Variants in ABLIM2 observed in about 807,000 individuals in gnomAD.
ABLIM2 encodes actin binding LIM protein family member 2.
ABLIM2 carries 53 observed loss-of-function variants against 97.7 expected under a neutral mutation model. The observed-to-expected ratio is 0.54, with a 90% confidence interval of 0.44 to 0.68. The LOEUF (loss-of-function observed/expected upper bound fraction) is 0.68. Ranked by LOEUF, ABLIM2 falls within the 30% of genes least tolerant of loss-of-function variation. The probability of loss-of-function intolerance (pLI) is 0.00; values close to 1 mark genes in which losing one functional copy is unlikely to be tolerated. For synonymous variants in ABLIM2, 361 were observed against 345.8 expected (o/e 1.04, Z -0.49); for missense variants, 835 against 867.2 (o/e 0.96, Z 0.47).
intron 8 of ABLIM2, among the ~76,000 whole-genome samples, chr4:8,047,556 G>A (rs1413235587): frequency 2.0e-5 from 3 of 152,202 alleles, no homozygotes; most frequent in Admixed American, 6.5e-5. Context: ...TCATGCCCAC[G>A]ATGGCCCAAT....
intron 5 of ABLIM2, among the ~76,000 whole-genome samples, chr4:8,078,990 G>A (rs1434685863): frequency 6.6e-6 from 1 of 152,236 alleles, no homozygotes; most frequent in Non-Finnish European, 1.5e-5. Context: ...GATTTCTCAG[G>A]CTGTCATGGA....
intron 3 of ABLIM2, 26 bp downstream of exon 3, chr4:8,097,073 C>G (rs1439953115): frequency 6.3e-7 from 1 of 1,582,974 alleles, no homozygotes; most frequent in Non-Finnish European, 8.6e-7. Flanking sequence ...GCAGGGGAAG[C>G]AGAGGCCAGG....
At chr4:8,036,824 A>C (rs931404489) in intron 9 of ABLIM2, among the ~76,000 whole-genome samples, 21 of 152,158 alleles carry the variant, frequency 1.4e-4, no homozygotes, top group African/African-American at 4.6e-4. Context: ...CACACGTACA[A>C]ACACAGACAC....
chr4:8,070,139 C>G (rs1810930178), intron 6 of ABLIM2, among the ~76,000 whole-genome samples: 1 of 151,186 alleles, frequency 6.6e-6, no homozygotes, highest in Non-Finnish European at 1.5e-5. Flanking sequence ...CAATCTGTGT[C>G]TGTGTGTGTA....
intron 1 of ABLIM2, 35 bp downstream of exon 1, chr4:8,158,645 G>T (rs1032448219): frequency 6.0e-6 from 9 of 1,504,226 alleles, no homozygotes; most frequent in Non-Finnish European, 8.0e-6. Context: ...GAGCCAGCGC[G>T]GGGACCCGTT....
chr4:8,007,648 A>T, intron 16 of ABLIM2: 1 of 1,000,328 alleles, frequency 1.0e-6, no homozygotes, highest in Non-Finnish European at 1.2e-6. Context: ...CACAGGGGAC[A>T]GGGATGGTGC....
At chr4:7,995,234 G>A (rs1024658175) in intron 16 of ABLIM2, among the ~76,000 whole-genome samples, 1 of 152,204 alleles carries the variant, frequency 6.6e-6, no homozygotes, top group Non-Finnish European at 1.5e-5. Context: ...AGCCTATGGG[G>A]CCTTAAAGAG....
At chr4:8,017,679 T>A (rs1485677662) in intron 14 of ABLIM2, among the ~76,000 whole-genome samples, 1 of 152,152 alleles carries the variant, frequency 6.6e-6, no homozygotes, top group Non-Finnish European at 1.5e-5. Flanking sequence ...AGGAGAATCA[T>A]ATATAGCCAG....
At chr4:8,139,210 C>CG (rs1483944940) in intron 1 of ABLIM2, among the ~76,000 whole-genome samples, 1 of 121,452 alleles carries the variant, frequency 8.2e-6, no homozygotes, top group Middle Eastern at 4.0e-3. Context: ...AAAGAGAAAA[C>CG]GGAAAAGGGA....
At chr4:8,050,749 T>C (rs1406404841) in intron 8 of ABLIM2, among the ~76,000 whole-genome samples, 1 of 152,106 alleles carries the variant, frequency 6.6e-6, no homozygotes, top group East Asian at 1.9e-4. Flanking sequence ...TCCGGACAGT[T>C]AGCTCCAAGG....
intron 14 of ABLIM2, among the ~76,000 whole-genome samples, chr4:8,009,983 G>A (rs1459015454): frequency 6.6e-6 from 1 of 152,204 alleles, no homozygotes; most frequent in East Asian, 1.9e-4. Context: ...CTGGCTAACT[G>A]CTGCTGGCAA....
chr4:8,156,025 T>C (rs1561653029), intron 1 of ABLIM2, among the ~76,000 whole-genome samples: 1 of 152,156 alleles, frequency 6.6e-6, no homozygotes, highest in Non-Finnish European at 1.5e-5. Flanking sequence ...TAGTACTTTG[T>C]TATGGAGCAA....
Position 8,071,666 on chromosome 4 carries a change from T to A in ABLIM2, c.675+5962A>T. 1 of 976,432 alleles carries A rather than the reference T, an allele frequency of 1.0e-6. No individual in the cohort carries two copies. Among genetic ancestry groups the A allele is most frequent in the Non-Finnish European group, 1.2e-6 (1 of 821,766 alleles). The allele number at this position is 976,432 out of a possible 1,614,324, so 60.5% of individuals were successfully genotyped here. A position where few individuals can be genotyped will look rare whatever the true frequency, so the allele number is the denominator to read the frequency against. On this transcript the variant is annotated intron_variant, in intron 6 of 20. Transcript: ENST00000447017. The surrounding 1 kb of genome is among the most constrained non-coding windows in gnomAD (Gnocchi z 6.2). ...TGGGGGAACAGGTGGCTCCGAGGTCTCACACCTGACTGCTCTGTCCCCAAA... is the reference window on the plus strand; with the variant it reads ...TGGGGGAACAGGTGGCTCCGAGGTCACACACCTGACTGCTCTGTCCCCAAA...
rs1820656236 is a variant in ABLIM2 at position 8,082,610 on chromosome 4, CTG to C, written c.455-1810_455-1809del. Among the ~76,000 whole-genome samples the C allele has an allele frequency of 6.6e-6, 1 of 152,250 alleles. No individual in the cohort carries two copies. The highest frequency in any genetic ancestry group is 2.4e-5 in the African/African-American group (1 of 41,474). On this transcript the variant is annotated intron_variant, in intron 4 of 20. Transcript: ENST00000447017. This position sits in a 1 kb window ranked among gnomAD's most constrained non-coding sequence, Gnocchi z 5.6. ...GCTCAGGATTTCCTAAGTGACCACA[CTG>C]TGCACATTCACATGCTACTTTGGAA... is the stretch of plus-strand genomic sequence containing the variant.
intron 14 of ABLIM2, chr4:8,010,453 C>A: frequency 1.0e-6 from 1 of 985,882 alleles, no homozygotes; most frequent in Non-Finnish European, 1.2e-6. Flanking sequence ...CGGGCTCGGG[C>A]CCGTCTGTCT....
intron 8 of ABLIM2, among the ~76,000 whole-genome samples, chr4:8,047,805 G>A (rs963541944): frequency 5.3e-5 from 8 of 152,270 alleles, no homozygotes; most frequent in African/African-American, 1.7e-4. Flanking sequence ...GGCACGTGAG[G>A]TGCTTAGCAC....
chr4:8,123,809 C>T lies in ABLIM2; in HGVS notation c.11-17172G>A, dbSNP rs1395978527. 6.6e-6 allele frequency among the ~76,000 whole-genome samples: 1 copy of T among 152,120 alleles called. No individual in the cohort carries two copies. Among genetic ancestry groups the T allele is most frequent in the Non-Finnish European group, 1.5e-5 (1 of 68,032 alleles). The stretch of plus-strand genomic sequence containing the variant: ...CTGGGGTGACAAGGTCCTGGCTCCA[C>T]CCGGACAGGCCAAGAGGAGGGGCAG... On this transcript the variant is annotated intron_variant, in intron 1 of 20. Coordinates refer to ENST00000447017, the MANE Select transcript of ABLIM2 (RefSeq NM_001130083.2). The surrounding 1 kb of genome is among the most constrained non-coding windows in gnomAD (Gnocchi z 6.2).
chr4:7,998,592 C>CG lies in ABLIM2; in HGVS notation c.1619-5666dup. On this transcript the variant is annotated intron_variant, in intron 16 of 20. Transcript: ENST00000447017. The surrounding 1 kb of genome is among the most constrained non-coding windows in gnomAD (Gnocchi z 6.4). ...GCCCCTGGGTTCACTCCCAGGACTG[C>CG]GGGGTGCCTGCTGGCCACCTGCCCA... The CG allele has an allele frequency of 2.1e-6, 1 of 482,578 alleles. No homozygotes were observed. Among genetic ancestry groups the CG allele is most frequent in the Non-Finnish European group, 4.1e-6 (1 of 241,272 alleles). The allele number at this position is 482,578 out of a possible 1,614,324, so 29.9% of individuals were successfully genotyped here. A position where few individuals can be genotyped will look rare whatever the true frequency, so the allele number is the denominator to read the frequency against.
chr4:8,008,979 G>C, intron 15 of ABLIM2, 71 bp downstream of exon 15: 4 of 1,554,222 alleles, frequency 2.6e-6, no homozygotes, highest in Non-Finnish European at 3.6e-6. Context: ...GTCTCAATCG[G>C]AGAAGCCCTC....
Sources: allele counts gnomAD v4.1 joint callset (sites outside exome capture counted in the v4.1 genomes callset), GRCh38; gene constraint gnomAD v4.1.1; non-coding constraint Gnocchi (gnomAD v3.1); transcripts MANE v1.5; gene names NCBI Gene and HGNC (gene_info 2026-07-23, HGNC 2026-07-21).